SLCO5A1: variants seen among roughly 807,000 people sequenced by gnomAD.
The protein encoded by SLCO5A1 is solute carrier organic anion transporter family member 5A1, also known as organic anion transporter polypeptide-related protein 4.
A neutral mutation model predicts 65.1 loss-of-function variants in SLCO5A1; 39 were observed. That is an observed-to-expected ratio of 0.60 (90% CI 0.46 to 0.78). The LOEUF (loss-of-function observed/expected upper bound fraction) is 0.78, where lower values mean the gene tolerates loss of function less well. Among genes scored for constraint, SLCO5A1 ranks in the 30% least tolerant of loss-of-function variants. SLCO5A1 has a pLI of 0.00. For missense variants in SLCO5A1, 1,029 were observed against 1,069.4 expected, an observed-to-expected ratio of 0.96 and a Z score of 0.53; for synonymous variants, 438 against 415.7, an observed-to-expected ratio of 1.05 and a Z score of -0.65.
chr8:69,819,065 C>A (rs992839881), intron 2 of SLCO5A1, among the ~76,000 whole-genome samples: 3 of 152,064 alleles, frequency 2.0e-5, no homozygotes, highest in Non-Finnish European at 4.4e-5. Context: ...ACAAGACAAG[C>A]AAAATTAAAG....
intron 2 of SLCO5A1, among the ~76,000 whole-genome samples, chr8:69,808,368 T>C (rs1202469259): frequency 1.3e-5 from 2 of 152,168 alleles, no homozygotes; most frequent in Non-Finnish European, 2.9e-5. Context: ...TGTTACTATG[T>C]CCATGTGTTC....
At chr8:69,810,076 A>G (rs976550521) in intron 2 of SLCO5A1, among the ~76,000 whole-genome samples, 10 of 152,186 alleles carry the variant, frequency 6.6e-5, no homozygotes, top group Non-Finnish European at 1.5e-4. Context: ...TGGCTTAAAC[A>G]TCTGATTTCC....
intron 2 of SLCO5A1, among the ~76,000 whole-genome samples, chr8:69,779,512 C>T (rs1441258183): frequency 6.6e-6 from 1 of 152,102 alleles, no homozygotes; most frequent in Non-Finnish European, 1.5e-5. Flanking sequence ...TTAATTCATG[C>T]TGAAGTAAAA....
chr8:69,748,820 T>C (rs1019365511), intron 4 of SLCO5A1, among the ~76,000 whole-genome samples: 3 of 152,184 alleles, frequency 2.0e-5, no homozygotes, highest in Non-Finnish European at 4.4e-5. Flanking sequence ...ACTCCAGACC[T>C]ACTGAATCGG....
chr8:69,750,580 T>A (rs1817248158), intron 4 of SLCO5A1, among the ~76,000 whole-genome samples: 1 of 151,646 alleles, frequency 6.6e-6, no homozygotes, highest in Non-Finnish European at 1.5e-5. Context: ...CACATTCAAA[T>A]ACATCTACAC....
intron 2 of SLCO5A1, among the ~76,000 whole-genome samples, chr8:69,825,863 T>A (rs1820867443): frequency 1.3e-5 from 2 of 152,286 alleles, no homozygotes; most frequent in African/African-American, 4.8e-5. Flanking sequence ...GGCATCACAC[T>A]ACCTGACTTC....
intron 7 of SLCO5A1, 147 bp from the exon 8 acceptor site, chr8:69,679,766 A>G (rs1380849640): frequency 1.3e-5 from 15 of 1,162,340 alleles, no homozygotes; most frequent in Non-Finnish European, 1.8e-5. Flanking sequence ...TACCTTCCTC[A>G]TTGGTAACAG....
At chr8:69,815,647 AACACACAC>A (rs55665513) in intron 2 of SLCO5A1, among the ~76,000 whole-genome samples, 7,634 of 141,264 alleles carry the variant, frequency 0.054, 315 homozygotes, top group East Asian at 0.24. Context: ...GTAAAATATC[AACACACAC>A]ACACACACAC....
At chr8:69,762,016 G>T in intron 2 of SLCO5A1, 141 bp from the exon 3 acceptor site, 2 of 990,606 alleles carry the variant, frequency 2.0e-6, no homozygotes, top group Non-Finnish European at 1.4e-6. Flanking sequence ...GGAGATTTGT[G>T]TCCATGTCTA....
chr8:69,688,165 T>C (rs1345117859), intron 6 of SLCO5A1, among the ~76,000 whole-genome samples: 4 of 152,114 alleles, frequency 2.6e-5, no homozygotes, highest in Admixed American at 6.6e-5. Flanking sequence ...CGAACTCATA[T>C]ATTTACATCT....
At chr8:69,757,082 A>G (rs1817569461) in intron 3 of SLCO5A1, among the ~76,000 whole-genome samples, 1 of 152,280 alleles carries the variant, frequency 6.6e-6, no homozygotes, top group South Asian at 2.1e-4. Flanking sequence ...TAATGTTTCT[A>G]TTAAAGTGCT....
intron 2 of SLCO5A1, among the ~76,000 whole-genome samples, chr8:69,775,781 C>A (rs547906792): frequency 6.6e-6 from 1 of 151,998 alleles, no homozygotes; most frequent in East Asian, 1.9e-4. Flanking sequence ...TGGGAGGCCA[C>A]GGCGGGAAGA....
At chr8:69,737,901 C>T in intron 5 of SLCO5A1, 139 bp downstream of exon 5, 3 of 798,252 alleles carry the variant, frequency 3.8e-6, no homozygotes, top group Non-Finnish European at 5.5e-6. Context: ...GGATTTCCTC[C>T]TCCTAAAATC....
At chr8:69,716,880 A>G (rs1284146309) in intron 5 of SLCO5A1, among the ~76,000 whole-genome samples, 2 of 151,764 alleles carry the variant, frequency 1.3e-5, no homozygotes, top group African/African-American at 2.4e-5. Flanking sequence ...CCCAGGTCCA[A>G]GCAATTCTCC....
chr8:69,758,473 C>G (rs1391152275), intron 3 of SLCO5A1, among the ~76,000 whole-genome samples: 2 of 152,104 alleles, frequency 1.3e-5, no homozygotes, highest in Non-Finnish European at 2.9e-5. Flanking sequence ...AGCCACCGCA[C>G]CCGGCATGCT....
At chr8:69,756,708 C>G (rs985199550) in intron 3 of SLCO5A1, among the ~76,000 whole-genome samples, 7 of 152,212 alleles carry the variant, frequency 4.6e-5, no homozygotes, top group Non-Finnish European at 8.8e-5. Flanking sequence ...AGAATTCTGT[C>G]GTGAAATTCA....
At chr8:69,800,974 C>T (rs991037016) in intron 2 of SLCO5A1, among the ~76,000 whole-genome samples, 11 of 152,170 alleles carry the variant, frequency 7.2e-5, no homozygotes, top group African/African-American at 2.7e-4. Context: ...TGAGGAGAAC[C>T]CACACTTGTG....
rs545327386 is a variant in SLCO5A1, at chr8:69,776,555, T to A, written c.908-14680A>T. On this transcript the variant is annotated intron_variant, in intron 2 of 9. Transcript: ENST00000260126. ...AAATACAAAAATTAGCTGAGCATGATGACATGCATCTGTAGTCCCGGCTAC... is the reference window on the plus strand; with the variant it reads ...AAATACAAAAATTAGCTGAGCATGAAGACATGCATCTGTAGTCCCGGCTAC... Among the ~76,000 whole-genome samples the A allele has an allele frequency of 2.0e-5, 3 of 152,186 alleles. No individual in the cohort carries two copies. The East Asian group carries it at 5.8e-4, about 29-fold the overall frequency.
At chr8:69,784,895 G>GAAGAAAGAAAGAAAGA (rs200219200) in intron 2 of SLCO5A1, among the ~76,000 whole-genome samples, 208 of 85,032 alleles carry the variant, frequency 2.4e-3, no homozygotes, top group Middle Eastern at 5.9e-3. Flanking sequence ...AAGAAGAAAG[G>GAAGAAAGAAAGAAAGA]AAGAAAGAAA....
Sources: allele counts gnomAD v4.1 joint callset (sites outside exome capture counted in the v4.1 genomes callset), GRCh38; gene constraint gnomAD v4.1.1; transcripts MANE v1.5; gene names NCBI Gene and HGNC (gene_info 2026-07-23, HGNC 2026-07-21).